Variants in CHRM3 observed in about 807,000 individuals in gnomAD.
CHRM3 encodes the protein muscarinic acetylcholine receptor M3.
CHRM3 carries 11 observed loss-of-function variants against 41.8 expected under a neutral mutation model. The ratio of observed to expected loss-of-function variants is 0.26; its 90% CI spans 0.17 to 0.44. The LOEUF (loss-of-function observed/expected upper bound fraction) is 0.44. CHRM3 is among the 20% of genes least tolerant of loss of function. The probability of loss-of-function intolerance (pLI) is 1.00; values close to 1 mark genes in which losing one functional copy is unlikely to be tolerated. For missense variants in CHRM3, 571 were observed against 745.4 expected, an observed-to-expected ratio of 0.77 and a Z score of 2.72; for synonymous variants, 297 against 301.4, an observed-to-expected ratio of 0.99 and a Z score of 0.15.
At chr1:239,821,927 T>G (rs1354233167) in intron 5 of CHRM3, among the ~76,000 whole-genome samples, 1 of 152,194 alleles carries the variant, frequency 6.6e-6, no homozygotes, top group Non-Finnish European at 1.5e-5. Flanking sequence ...GTTTAATAAC[T>G]GTCCAGCATT....
intron 3 of CHRM3, 75 bp from the exon 4 acceptor site, chr1:239,632,149 A>G (rs1208190989): frequency 6.6e-6 from 1 of 152,034 alleles, no homozygotes; most frequent in Non-Finnish European, 1.5e-5. Context: ...TGTGTAACCT[A>G]TTGATGTTCT....
chr1:239,666,071 C>G (rs1673766545), intron 4 of CHRM3, among the ~76,000 whole-genome samples: 2 of 152,136 alleles, frequency 1.3e-5, no homozygotes, highest in South Asian at 2.1e-4. Flanking sequence ...AAGCCTGGTT[C>G]TAGATCCTTG....
chr1:239,652,773 T>C (rs1013889352), intron 4 of CHRM3, among the ~76,000 whole-genome samples: 1 of 152,108 alleles, frequency 6.6e-6, no homozygotes, highest in Non-Finnish European at 1.5e-5. Context: ...TTGAGCCTTA[T>C]TTTCTTCCTT....
At chr1:239,542,291 A>AT (rs1258721273) in intron 2 of CHRM3, among the ~76,000 whole-genome samples, 1 of 152,072 alleles carries the variant, frequency 6.6e-6, no homozygotes, top group African/African-American at 2.4e-5. Flanking sequence ...TTGAGTTATT[A>AT]TTTTTTCAAA....
intron 2 of CHRM3, among the ~76,000 whole-genome samples, chr1:239,535,833 G>C (rs1459900974): frequency 6.6e-6 from 1 of 152,226 alleles, no homozygotes; most frequent in East Asian, 1.9e-4. Context: ...CCGGAGCAAA[G>C]ATAAGGGCTG....
At chr1:239,421,893 C>G (rs902383966) in intron 1 of CHRM3, among the ~76,000 whole-genome samples, 2 of 151,714 alleles carry the variant, frequency 1.3e-5, no homozygotes, top group African/African-American at 2.4e-5. Flanking sequence ...CTTTTCTTTT[C>G]ACTTGTTAAG....
At chr1:239,527,341 C>T (rs1035636378) in intron 2 of CHRM3, among the ~76,000 whole-genome samples, 1 of 150,172 alleles carries the variant, frequency 6.7e-6, no homozygotes, top group Non-Finnish European at 1.5e-5. Flanking sequence ...GAGCTGTTGA[C>T]CATGTTTTAT....
intron 3 of CHRM3, among the ~76,000 whole-genome samples, chr1:239,582,465 A>G (rs1158162581): frequency 1.3e-5 from 2 of 152,114 alleles, no homozygotes; most frequent in African/African-American, 4.8e-5. Flanking sequence ...AATTTCCCTG[A>G]GAGGCCATGC....
intron 4 of CHRM3, among the ~76,000 whole-genome samples, chr1:239,646,427 T>C (rs1671744351): frequency 6.6e-6 from 1 of 152,218 alleles, no homozygotes; most frequent in Non-Finnish European, 1.5e-5. Context: ...TCATGGTCTA[T>C]ATTGTTAGCA....
chr1:239,398,456 G>A (rs983718826), intron 1 of CHRM3, among the ~76,000 whole-genome samples: 4 of 151,666 alleles, frequency 2.6e-5, no homozygotes, highest in Non-Finnish European at 2.9e-5. Context: ...GGCTGGTCTC[G>A]AACTCCTGAC....
intron 6 of CHRM3, among the ~76,000 whole-genome samples, chr1:239,888,226 G>A (rs1266456966): frequency 5.9e-5 from 9 of 152,068 alleles, no homozygotes; most frequent in Admixed American, 5.9e-4. Flanking sequence ...AAGTAGCCAG[G>A]CATGGTGGTG....
rs72760717 is a variant in CHRM3 at position 239,891,134 on chromosome 1, T to C, written c.-19-16299T>C. Among the ~76,000 whole-genome samples, 826 of 152,220 alleles carry C rather than the reference T, an allele frequency of 5.4e-3. 4 individuals are homozygous for C. The highest frequency in any genetic ancestry group is 0.01 in the Middle Eastern group (3 of 294). ...GCCCCTTTCTTGTCCTCAGGAAGCCTAGAGGTGGGTGGGGAAAGATGACAC... is the reference window on the plus strand; with the variant it reads ...GCCCCTTTCTTGTCCTCAGGAAGCCCAGAGGTGGGTGGGGAAAGATGACAC... On this transcript the variant is annotated intron_variant, in intron 6 of 6. Coordinates refer to ENST00000676153, the MANE Select transcript of CHRM3 (RefSeq NM_001375978.1).
intron 1 of CHRM3, among the ~76,000 whole-genome samples, chr1:239,393,410 A>G (rs905668620): frequency 2.6e-5 from 4 of 152,196 alleles, no homozygotes; most frequent in Admixed American, 6.5e-5. Context: ...AGAAGTTCTC[A>G]TACTTGAAAT....
At chr1:239,786,589 C>A (rs1264854882) in intron 5 of CHRM3, among the ~76,000 whole-genome samples, 1 of 152,168 alleles carries the variant, frequency 6.6e-6, no homozygotes, top group Non-Finnish European at 1.5e-5. Flanking sequence ...TGAGCCTTAC[C>A]TAAGCAGCTC....
intron 2 of CHRM3, among the ~76,000 whole-genome samples, chr1:239,542,128 A>G (rs955849356): frequency 6.6e-5 from 10 of 152,148 alleles, no homozygotes; most frequent in African/African-American, 2.4e-4. Context: ...ATATTATACT[A>G]TATCAGACAG....
chr1:239,844,178 C>G (rs2149185999), intron 6 of CHRM3, among the ~76,000 whole-genome samples: 1 of 152,242 alleles, frequency 6.6e-6, no homozygotes, highest in South Asian at 2.1e-4. Context: ...GAACGTATTC[C>G]TCCTAACAGA....
intron 5 of CHRM3, among the ~76,000 whole-genome samples, chr1:239,787,411 C>T (rs950889000): frequency 7.7e-6 from 1 of 130,352 alleles, no homozygotes; most frequent in African/African-American, 2.9e-5. Context: ...GAAGCAGAAG[C>T]CGTGTAGAAG....
At chr1:239,837,386 T>A (rs1673415829) in intron 6 of CHRM3, among the ~76,000 whole-genome samples, 1 of 152,206 alleles carries the variant, frequency 6.6e-6, no homozygotes, top group African/African-American at 2.4e-5. Context: ...CAGATCTTTT[T>A]GTTCCTGACA....
chr1:239,863,751 G>A (rs1176553005), intron 6 of CHRM3, among the ~76,000 whole-genome samples: 1 of 152,050 alleles, frequency 6.6e-6, no homozygotes, highest in African/African-American at 2.4e-5. Context: ...AGGGAGGGAA[G>A]GGGAGTAGAC....
Sources: gnomAD v4.1 joint callset for allele counts (sites outside exome capture counted in the v4.1 genomes callset) on GRCh38, gnomAD v4.1.1 for gene constraint, MANE v1.5 for transcripts, NCBI Gene and HGNC (gene_info 2026-07-23, HGNC 2026-07-21) for gene names.